HACD2: variants seen among roughly 807,000 people sequenced by gnomAD.
HACD2 encodes 3-hydroxyacyl-CoA dehydratase 2.
HACD2 carries 15 observed loss-of-function variants against 31.0 expected under a neutral mutation model. The observed-to-expected ratio is 0.48, with a 90% CI of 0.32 to 0.75. The LOEUF (loss-of-function observed/expected upper bound fraction) is 0.75, where lower values mean the gene tolerates loss of function less well. Among genes scored for constraint, HACD2 ranks in the 30% least tolerant of loss-of-function variants. HACD2 has a pLI of 0.03. For synonymous variants in HACD2, 115 were observed against 122.2 expected (o/e 0.94, Z 0.39); for missense variants, 283 against 313.0 (o/e 0.90, Z 0.72).
At chr3:123,499,258 C>A in intron 6 of HACD2, 1 of 174,774 alleles carries the variant, frequency 5.7e-6, no homozygotes, top group South Asian at 1.3e-4. Context: ...GAAAATGAAA[C>A]TCTAAAAAAA....
chr3:123,512,851 A>G (rs998606049), intron 4 of HACD2, among the ~76,000 whole-genome samples: 5 of 152,142 alleles, frequency 3.3e-5, no homozygotes, highest in African/African-American at 1.2e-4. Context: ...GTATGTGTGT[A>G]TATGTATATG....
Position 123,578,122 on chromosome 3 carries a change from A to G in HACD2, c.273+4090T>C, listed in dbSNP as rs536991709. Among the ~76,000 whole-genome samples, 13 of 152,306 alleles carry G rather than the reference A, an allele frequency of 8.5e-5. No individual in the cohort carries two copies. In the South Asian group the frequency reaches 2.7e-3, roughly 32 times the overall value. ...GGATATTTCTTATAAATGAAATCAT[A>G]CTATTTGTGACTTTTTGTATCTGCC... On this transcript the variant is annotated intron_variant, in intron 2 of 6. Transcript: ENST00000383657.
chr3:123,566,341 A>C (rs1168496369), intron 3 of HACD2, among the ~76,000 whole-genome samples: 1 of 151,944 alleles, frequency 6.6e-6, no homozygotes, highest in East Asian at 2.0e-4. Flanking sequence ...CTAAAATGCA[A>C]TGGTGTGATC....
intron 2 of HACD2, among the ~76,000 whole-genome samples, chr3:123,577,494 G>C (rs2056920143): frequency 6.6e-6 from 1 of 151,848 alleles, no homozygotes; most frequent in South Asian, 2.1e-4. Context: ...GGTGGCGGGC[G>C]CCTGTAGTCC....
Position 123,585,052 on chromosome 3 carries a change from C to A in HACD2, c.-25G>T. ...TGTCAAGTGCCCGAAGCCCGCTCTC[C>A]TAGCGCGAGCGGCTCGGGCCGGACT... On this transcript the variant is annotated 5_prime_UTR_variant, in exon 1 of 7. The change creates a new upstream start codon in the 5' untranslated region. Coordinates refer to ENST00000383657, the MANE Select transcript of HACD2 (RefSeq NM_198402.5). 2.1e-6 allele frequency: 3 copies of A among 1,434,400 alleles called. No homozygotes were observed. Among genetic ancestry groups the A allele is most frequent in the Non-Finnish European group, 2.7e-6 (3 of 1,096,652 alleles). 88.9% of individuals were successfully genotyped at this position (1,434,400 alleles called of 1,614,324 possible).
At chr3:123,495,407 G>A (rs2055820243) in intron 6 of HACD2, among the ~76,000 whole-genome samples, 1 of 152,206 alleles carries the variant, frequency 6.6e-6, no homozygotes, top group East Asian at 1.9e-4. Flanking sequence ...GGGTCTCACA[G>A]TAAGCCACAG....
chr3:123,563,635 AAAT>A (rs1465150748), intron 3 of HACD2, among the ~76,000 whole-genome samples: 1 of 81,704 alleles, frequency 1.2e-5, no homozygotes, highest in Non-Finnish European at 2.3e-5. Flanking sequence ...ATTGACAAAA[AAAT>A]ATATATACAC....
intron 4 of HACD2, among the ~76,000 whole-genome samples, chr3:123,504,894 T>C (rs1461282391): frequency 1.0e-5 from 1 of 99,556 alleles, no homozygotes; most frequent in Non-Finnish European, 2.2e-5. Flanking sequence ...GACAAATGCA[T>C]AACTTAAAAC....
intron 3 of HACD2, among the ~76,000 whole-genome samples, chr3:123,563,728 G>A (rs371167805): frequency 7.2e-5 from 11 of 151,886 alleles, no homozygotes; most frequent in Non-Finnish European, 1.5e-4. Context: ...ACTGTGGAAT[G>A]ACTAAATCAA....
chr3:123,501,034 C>T (rs770110709), intron 5 of HACD2, among the ~76,000 whole-genome samples: 1 of 152,036 alleles, frequency 6.6e-6, no homozygotes, highest in African/African-American at 2.4e-5. Flanking sequence ...TTTATACTGA[C>T]GGGTCCTGCC....
intron 2 of HACD2, among the ~76,000 whole-genome samples, chr3:123,570,633 T>C (rs1043086200): frequency 3.9e-5 from 6 of 152,160 alleles, no homozygotes; most frequent in African/African-American, 1.4e-4. Flanking sequence ...AATAATCTCC[T>C]AGGTTATGTC....
chr3:123,557,905 A>T (rs1162851523), intron 3 of HACD2, among the ~76,000 whole-genome samples: 1 of 152,230 alleles, frequency 6.6e-6, no homozygotes, highest in Non-Finnish European at 1.5e-5. Flanking sequence ...CTTAGCATAT[A>T]ATCTAGCAAT....
intron 1 of HACD2, 66 bp downstream of exon 1, chr3:123,584,807 G>A (rs2057009760): frequency 3.1e-6 from 4 of 1,295,446 alleles, no homozygotes; most frequent in Non-Finnish European, 3.1e-6. Context: ...TATCCGCCCC[G>A]CCGCTGGCCG....
intron 3 of HACD2, among the ~76,000 whole-genome samples, chr3:123,538,713 A>G (rs1253365218): frequency 1.3e-5 from 2 of 152,330 alleles, no homozygotes; most frequent in East Asian, 3.9e-4. Flanking sequence ...TAGTGTGAGC[A>G]ACTGCACCCA....
chr3:123,565,560 C>T, intron 3 of HACD2, among the ~76,000 whole-genome samples: 1 of 152,184 alleles, frequency 6.6e-6, no homozygotes, highest in East Asian at 1.9e-4. Context: ...TCTTGGAATT[C>T]CCAGCCCCCA....
chr3:123,563,010 G>C (rs1384126139), intron 3 of HACD2, among the ~76,000 whole-genome samples: 1 of 152,118 alleles, frequency 6.6e-6, no homozygotes, highest in Non-Finnish European at 1.5e-5. Context: ...TTTGAAATAA[G>C]TTTTGGAAAT....
Position 123,518,995 on chromosome 3 carries a change from TAAAAAAA to T in HACD2, c.381+9384_381+9390del, listed in dbSNP as rs67571643. 9.4e-5 allele frequency among the ~76,000 whole-genome samples: 4 copies of T among 42,482 alleles called. No homozygotes were observed. The Admixed American group carries it at 1.2e-3, about 13-fold the overall frequency. 27.9% of individuals were successfully genotyped at this position (42,482 alleles called of 152,430 possible). On this transcript the variant is annotated intron_variant, in intron 4 of 6. Transcript: ENST00000383657. ...CTGGATGACAGAGTGAGACTCCAACTAAAAAAAAAAAAAAAAAAAAAAAAAGCAGAGC... is the reference window on the plus strand; with the variant it reads ...CTGGATGACAGAGTGAGACTCCAACTAAAAAAAAAAAAAAAAAAGCAGAGC...
At chr3:123,513,432 G>C (rs983960767) in intron 4 of HACD2, among the ~76,000 whole-genome samples, 6 of 152,216 alleles carry the variant, frequency 3.9e-5, no homozygotes, top group Non-Finnish European at 8.8e-5. Context: ...GCAGGTGACA[G>C]AGGTCAACGT....
intron 3 of HACD2, among the ~76,000 whole-genome samples, chr3:123,560,109 A>G (rs190346555): frequency 6.6e-6 from 1 of 152,338 alleles, no homozygotes; most frequent in African/African-American, 2.4e-5. Flanking sequence ...TATTCAGAGA[A>G]CAGGGGCTGA....
Sources: allele counts gnomAD v4.1 joint callset (sites outside exome capture counted in the v4.1 genomes callset), GRCh38; gene constraint gnomAD v4.1.1; transcripts MANE v1.5; gene names NCBI Gene and HGNC (gene_info 2026-07-23, HGNC 2026-07-21).